The following UTRN variants were observed in gnomAD, a reference collection of about 807,000 sequenced individuals.
UTRN encodes utrophin, also known as dystrophin-related protein 1.
In UTRN, 283 loss-of-function variants were observed where a neutral mutation model predicts 463.9. The ratio of observed to expected loss-of-function variants is 0.61; its 90% CI spans 0.55 to 0.67. The LOEUF is 0.67. Ranked by LOEUF, UTRN falls within the 30% of genes least tolerant of loss-of-function variation. UTRN has a pLI of 0.00. For missense variants in UTRN, 3,922 were observed against 4,084.3 expected (o/e 0.96, Z 1.08); for synonymous variants, 1,442 against 1,431.5 (o/e 1.01, Z -0.17).
At chr6:144,474,477 T>G in intron 24 of UTRN, 127 bp from the exon 25 acceptor site, 1 of 952,292 alleles carries the variant, frequency 1.1e-6, no homozygotes, top group Non-Finnish European at 1.5e-6. Flanking sequence ...ATTTCTTAAG[T>G]AGTTAGAAGT....
chr6:144,354,931 T>C (rs1778420663), intron 2 of UTRN, among the ~76,000 whole-genome samples: 1 of 152,142 alleles, frequency 6.6e-6, no homozygotes, highest in South Asian at 2.1e-4. Context: ...AGGTGGTCAT[T>C]GTGTATGTTT....
At chr6:144,563,189 TGTATA>T (rs1333603980) in intron 50 of UTRN, among the ~76,000 whole-genome samples, 1 of 152,192 alleles carries the variant, frequency 6.6e-6, no homozygotes, top group African/African-American at 2.4e-5. Flanking sequence ...TTAAATATTG[TGTATA>T]GTAAAGACTG....
chr6:144,475,237 A>G (rs1377838486), intron 25 of UTRN, among the ~76,000 whole-genome samples: 3 of 152,186 alleles, frequency 2.0e-5, no homozygotes, highest in African/African-American at 7.2e-5. Flanking sequence ...TTCAAATAGG[A>G]TGGTCAGGGA....
chr6:144,847,158 T>A (rs939670029), intron 74 of UTRN, among the ~76,000 whole-genome samples: 1 of 146,474 alleles, frequency 6.8e-6, no homozygotes, highest in Non-Finnish European at 1.5e-5. Context: ...TCACAGAACA[T>A]TGACCTAAAA....
chr6:144,545,181 G>A (rs1798292996), intron 46 of UTRN, among the ~76,000 whole-genome samples: 1 of 152,080 alleles, frequency 6.6e-6, no homozygotes, highest in Non-Finnish European at 1.5e-5. Flanking sequence ...CCGTGGTCTT[G>A]AACACCCTTA....
intron 2 of UTRN, among the ~76,000 whole-genome samples, chr6:144,321,254 A>G (rs1161292651): frequency 6.6e-6 from 1 of 152,166 alleles, no homozygotes; most frequent in East Asian, 1.9e-4. Context: ...ATATCTGGGT[A>G]TATGTGTTTG....
chr6:144,801,225 C>A (rs1777672867), intron 64 of UTRN, among the ~76,000 whole-genome samples: 1 of 151,962 alleles, frequency 6.6e-6, no homozygotes, highest in African/African-American at 2.4e-5. Flanking sequence ...AGAAATATGT[C>A]CAGACTTGAT....
intron 74 of UTRN, among the ~76,000 whole-genome samples, chr6:144,850,129 T>C (rs1782362884): frequency 6.6e-6 from 1 of 152,190 alleles, no homozygotes; most frequent in African/African-American, 2.4e-5. Context: ...GAAGCAAGTG[T>C]CTGAAGAATC....
chr6:144,340,928 C>G (rs1420283554), intron 2 of UTRN, among the ~76,000 whole-genome samples: 1 of 152,204 alleles, frequency 6.6e-6, no homozygotes, highest in Non-Finnish European at 1.5e-5. Context: ...ACAGAAACTT[C>G]AATGAAGCCT....
chr6:144,561,249 A>G (rs1799864679), intron 50 of UTRN, among the ~76,000 whole-genome samples: 1 of 106,470 alleles, frequency 9.4e-6, no homozygotes, highest in Non-Finnish European at 2.1e-5. Context: ...ATATATATAT[A>G]TATATATATA....
At chr6:144,429,403 G>A (rs1157234704) in intron 8 of UTRN, among the ~76,000 whole-genome samples, 178 bp from the exon 9 acceptor site, 1 of 152,088 alleles carries the variant, frequency 6.6e-6, no homozygotes, top group African/African-American at 2.4e-5. Flanking sequence ...ACAAAAATAA[G>A]TAATCCCTTT....
intron 51 of UTRN, among the ~76,000 whole-genome samples, chr6:144,653,323 C>T (rs909164741): frequency 3.3e-5 from 5 of 152,118 alleles, no homozygotes; most frequent in African/African-American, 4.8e-5. Context: ...CGGTGGCTCA[C>T]GCCTGTAATC....
intron 51 of UTRN, among the ~76,000 whole-genome samples, chr6:144,621,562 TTC>T (rs1240864836): frequency 6.6e-6 from 1 of 152,206 alleles, no homozygotes; most frequent in African/African-American, 2.4e-5. Flanking sequence ...GATTTGTATA[TTC>T]TCTCCTTGAT....
intron 2 of UTRN, among the ~76,000 whole-genome samples, chr6:144,325,015 C>T (rs1337822000): frequency 2.0e-5 from 3 of 152,162 alleles, no homozygotes; most frequent in Non-Finnish European, 4.4e-5. Flanking sequence ...CTCACCTGCA[C>T]AGGAGAACAG....
intron 34 of UTRN, among the ~76,000 whole-genome samples, chr6:144,500,569 C>A (rs1794082705): frequency 6.6e-6 from 1 of 152,104 alleles, no homozygotes. Context: ...ACTTAAAAGC[C>A]TAATTCACCA....
At chr6:144,730,017 C>T (rs1788347593) in intron 53 of UTRN, among the ~76,000 whole-genome samples, 1 of 152,190 alleles carries the variant, frequency 6.6e-6, no homozygotes, top group African/African-American at 2.4e-5. Flanking sequence ...AAAAAAGTAT[C>T]TTAGCAAAGG....
chr6:144,492,950 A>T (rs1041869281), intron 32 of UTRN, among the ~76,000 whole-genome samples: 12 of 152,242 alleles, frequency 7.9e-5, no homozygotes, highest in Non-Finnish European at 1.5e-4. Context: ...AAGATTTTTT[A>T]AAAATGTAAT....
chr6:144,707,158 G>T (rs1464462007), intron 53 of UTRN: 1 of 152,026 alleles, frequency 6.6e-6, no homozygotes, highest in Non-Finnish European at 1.5e-5. Flanking sequence ...CCTAATGAGA[G>T]AAATTAATAC....
chr6:144,514,901 C>G, intron 37 of UTRN, 81 bp downstream of exon 37: 1 of 1,373,648 alleles, frequency 7.3e-7, no homozygotes, highest in Non-Finnish European at 9.8e-7. Context: ...CATACATCAA[C>G]AATTTTGTTT....
Sources: gnomAD v4.1 joint callset for allele counts (sites outside exome capture counted in the v4.1 genomes callset) on GRCh38, gnomAD v4.1.1 for gene constraint, MANE v1.5 for transcripts, NCBI Gene and HGNC (gene_info 2026-07-23, HGNC 2026-07-21) for gene names.